ADGRL3: variants seen among roughly 807,000 people sequenced by gnomAD.
ADGRL3 encodes calcium-independent alpha-latrotoxin receptor 3.
Under a neutral mutation model 153.5 loss-of-function variants are expected in ADGRL3, and 62 were observed. That is an observed-to-expected ratio of 0.40 (90% confidence interval 0.33 to 0.50). The LOEUF (loss-of-function observed/expected upper bound fraction) is 0.50. Among genes scored for constraint, ADGRL3 ranks in the 20% least tolerant of loss-of-function variants. The pLI is 0.47. For synonymous variants in ADGRL3, 710 were observed against 672.5 expected (o/e 1.06, Z -0.86); for missense variants, 1,641 against 1,859.4 (o/e 0.88, Z 2.16).
At chr4:61,354,720 C>A (rs1354131806) in intron 1 of ADGRL3, among the ~76,000 whole-genome samples, 1 of 151,934 alleles carries the variant, frequency 6.6e-6, no homozygotes, top group Non-Finnish European at 1.5e-5. Context: ...TCAGAGAGGC[C>A]AGGACAGTGG....
intron 1 of ADGRL3, among the ~76,000 whole-genome samples, chr4:61,371,802 C>G (rs1336401940): frequency 6.6e-6 from 1 of 152,088 alleles, no homozygotes; most frequent in Non-Finnish European, 1.5e-5. Context: ...GGGAAATTCT[C>G]CTGGATAATA....
rs1329798105 is a variant in ADGRL3, at chr4:62,070,190, T to C, written c.3914T>C (p.Ile1305Thr). The change falls in exon 27 of 27, where the codon ATT becomes ACT. Residue 1305 changes from isoleucine (I) to threonine (T), a missense_variant. By Grantham distance (89) the Ile-to-Thr change is moderately conservative. This residue lies in a region of ADGRL3 where 517 missense variants were observed against 555.0 expected (regional missense o/e 0.93). Transcript: ENST00000683033. ...LNGNHGNSYS[I>T]ASGEYLSNCV... ...GGTAACCATGGCAATAGTTACAGCA[T>C]TGCCAGCGGCGAATACCTGAGCAAC... 1.9e-6 allele frequency: 3 copies of C among 1,613,928 alleles called. No individual in the cohort carries two copies. The African/African-American group carries it at 4.0e-5, about 22-fold the overall frequency.
chr4:61,669,338 G>A (rs191558615), intron 5 of ADGRL3, among the ~76,000 whole-genome samples: 431 of 152,166 alleles, frequency 2.8e-3, no homozygotes, highest in Non-Finnish European at 4.6e-3. Flanking sequence ...GCAAGTCTTA[G>A]GATGACAGGC....
chr4:61,286,160 G>T (rs2093932955), intron 1 of ADGRL3, among the ~76,000 whole-genome samples: 1 of 151,326 alleles, frequency 6.6e-6, no homozygotes, highest in East Asian at 1.9e-4. Context: ...CAACTTCTTG[G>T]CATAAGAAGA....
chr4:62,047,725 C>T (rs1466678537), intron 25 of ADGRL3, among the ~76,000 whole-genome samples: 2 of 152,084 alleles, frequency 1.3e-5, no homozygotes, highest in Non-Finnish European at 2.9e-5. Flanking sequence ...CTTCGCATAT[C>T]TATAAATATG....
chr4:61,894,380 G>A (rs911610082), intron 10 of ADGRL3, among the ~76,000 whole-genome samples: 1 of 152,012 alleles, frequency 6.6e-6, no homozygotes, highest in Non-Finnish European at 1.5e-5. Context: ...CTTTTTTCCA[G>A]CAAAATATTT....
chr4:61,976,647 A>G (rs1487251971), intron 17 of ADGRL3, among the ~76,000 whole-genome samples: 2 of 152,140 alleles, frequency 1.3e-5, no homozygotes, highest in African/African-American at 2.4e-5. Context: ...TTCTCATGGT[A>G]GTGATTAAGT....
At chr4:61,394,782 T>C (rs2096851350) in intron 2 of ADGRL3, among the ~76,000 whole-genome samples, 1 of 152,050 alleles carries the variant, frequency 6.6e-6, no homozygotes, top group African/African-American at 2.4e-5. Flanking sequence ...ATTCACAAAA[T>C]TTAATTCCTG....
intron 2 of ADGRL3, among the ~76,000 whole-genome samples, chr4:61,445,003 G>T (rs1420478825): frequency 6.6e-6 from 1 of 151,742 alleles, no homozygotes; most frequent in South Asian, 2.1e-4. Flanking sequence ...AGTGAACAAT[G>T]ATCATGTCAC....
chr4:61,218,014 C>T (rs990996831), intron 1 of ADGRL3, among the ~76,000 whole-genome samples: 5 of 152,142 alleles, frequency 3.3e-5, no homozygotes, highest in Non-Finnish European at 7.4e-5. Context: ...GTCTTCTTTT[C>T]ACTGCTGGGA....
intron 1 of ADGRL3, among the ~76,000 whole-genome samples, chr4:61,363,759 A>AT (rs76422701): frequency 2.6e-5 from 4 of 151,570 alleles, no homozygotes; most frequent in African/African-American, 7.3e-5. Flanking sequence ...GTTTACTTGG[A>AT]TTTTTTTTTA....
At chr4:61,315,936 T>C (rs4580682) in intron 1 of ADGRL3, among the ~76,000 whole-genome samples, 107,352 of 151,998 alleles carry the variant, frequency 0.71, 38,193 homozygotes, top group East Asian at 0.96. Flanking sequence ...TTTCATACAT[T>C]GGATATTTAT....
At position 62,028,141 on chromosome 4, in the gene ADGRL3, T is replaced by C. The variant is rs139121580; in HGVS notation, c.3396-714T>C. Among the ~76,000 whole-genome samples the C allele has an allele frequency of 4.1e-3, 628 of 151,884 alleles. 6 individuals carry two copies. The highest frequency in any genetic ancestry group is 0.015 in the African/African-American group (610 of 41,512). ...TTCTTATCACAAGCAAAAAATACATTTATAAAAATTGATCCAAAACATTCC... is the reference window on the plus strand; with the variant it reads ...TTCTTATCACAAGCAAAAAATACATCTATAAAAATTGATCCAAAACATTCC... On this transcript the variant is annotated intron_variant, in intron 21 of 26. Transcript: ENST00000683033.
At chr4:61,257,549 A>G (rs2092088268) in intron 1 of ADGRL3, among the ~76,000 whole-genome samples, 4 of 152,300 alleles carry the variant, frequency 2.6e-5, no homozygotes, top group Admixed American at 6.5e-5. Context: ...TTCTTTGAAC[A>G]TAGTATTAGA....
At position 61,622,500 on chromosome 4, in the gene ADGRL3, A is replaced by G. The variant is rs370001981; in HGVS notation, c.473+35060A>G. On this transcript the variant is annotated intron_variant, in intron 5 of 26. Coordinates refer to ENST00000683033, the MANE Select transcript of ADGRL3 (RefSeq NM_001387552.1). ...AGTCTGATCCATTAAGAATCTTTTT[A>G]TACATGAGATGGAATAATAATAATT... Among the ~76,000 whole-genome samples, 22 of 152,220 alleles carry G rather than the reference A, an allele frequency of 1.4e-4. No individual in the cohort carries two copies. In the South Asian group the frequency reaches 4.6e-3, roughly 32 times the overall value.
chr4:61,738,684 T>C (rs2096547559), intron 8 of ADGRL3, among the ~76,000 whole-genome samples: 1 of 152,204 alleles, frequency 6.6e-6, no homozygotes, highest in African/African-American at 2.4e-5. Flanking sequence ...CTTTTAATTG[T>C]CACATTTTTT....
chr4:61,228,971 C>T (rs7438163), intron 1 of ADGRL3, among the ~76,000 whole-genome samples: 59,103 of 152,030 alleles, frequency 0.39, 12,536 homozygotes, highest in Middle Eastern at 0.52. Context: ...GAATTACAGG[C>T]GTGAGCCACC....
intron 2 of ADGRL3, among the ~76,000 whole-genome samples, chr4:61,490,698 G>GAA (rs66522716): frequency 6.8e-6 from 1 of 146,588 alleles, no homozygotes. Context: ...CCTCAATATT[G>GAA]AAAAAAAAAA....
intron 9 of ADGRL3, among the ~76,000 whole-genome samples, chr4:61,868,283 C>T (rs1040615620): frequency 6.6e-6 from 1 of 152,062 alleles, no homozygotes; most frequent in Non-Finnish European, 1.5e-5. Context: ...TTTCTCTCCC[C>T]ATAGATCTCA....
Sources: gnomAD v4.1 joint callset for allele counts (sites outside exome capture counted in the v4.1 genomes callset) on GRCh38, gnomAD v4.1.1 for gene constraint, gnomAD v4.1.1 regional missense constraint, MANE v1.5 for transcripts, NCBI Gene and HGNC (gene_info 2026-07-23, HGNC 2026-07-21) for gene names.